The following ANKRD33B variants were observed in gnomAD, a reference collection of about 807,000 sequenced individuals.
ANKRD33B encodes the protein ankyrin repeat domain-containing protein 33B.
Under a neutral mutation model 21.5 loss-of-function variants are expected in ANKRD33B, and 6 were observed. The ratio of observed to expected loss-of-function variants is 0.28; its 90% CI spans 0.15 to 0.55. ANKRD33B has a LOEUF of 0.55. Among genes scored for constraint, ANKRD33B ranks in the 20% least tolerant of loss-of-function variants. ANKRD33B has a pLI of 0.94. For synonymous variants in ANKRD33B, 347 were observed against 342.4 expected, an observed-to-expected ratio of 1.01 and a Z score of -0.15; for missense variants, 698 against 747.2, an observed-to-expected ratio of 0.93 and a Z score of 0.77.
intron 1 of ANKRD33B, among the ~76,000 whole-genome samples, chr5:10,597,541 G>A (rs1000718336): frequency 6.6e-6 from 1 of 152,090 alleles, no homozygotes; most frequent in Non-Finnish European, 1.5e-5. Context: ...GATTCATGAG[G>A]CAAATTTGTA....
intron 2 of ANKRD33B, among the ~76,000 whole-genome samples, chr5:10,630,186 A>G (rs181056798): frequency 9.8e-5 from 15 of 152,320 alleles, no homozygotes; most frequent in African/African-American, 3.4e-4. Flanking sequence ...TTGCTTATGC[A>G]TCTGTGGATG....
intron 1 of ANKRD33B, among the ~76,000 whole-genome samples, chr5:10,616,218 G>C (rs143901881): frequency 1.2e-3 from 180 of 152,264 alleles, no homozygotes; most frequent in African/African-American, 3.9e-3. Flanking sequence ...GCCTTATTGA[G>C]ATAAGTGGGC....
At chr5:10,633,382 C>T (rs1389092982) in intron 2 of ANKRD33B, among the ~76,000 whole-genome samples, 3 of 152,142 alleles carry the variant, frequency 2.0e-5, no homozygotes, top group Non-Finnish European at 2.9e-5. Flanking sequence ...TACAGGCGTG[C>T]GCCACTGCGC....
At chr5:10,614,001 GT>G in intron 1 of ANKRD33B, among the ~76,000 whole-genome samples, 1 of 150,716 alleles carries the variant, frequency 6.6e-6, no homozygotes. Context: ...GTGTGTGTGT[GT>G]GTGTGTGTGT....
Position 10,598,263 on chromosome 5 carries a change from A to ATTTTGTT in ANKRD33B, c.367-20058_367-20052dup, listed in dbSNP as rs377505690. 6.5e-3 allele frequency among the ~76,000 whole-genome samples: 987 copies of ATTTTGTT among 151,702 alleles called. 8 individuals are homozygous for ATTTTGTT. The highest frequency in any genetic ancestry group is 0.023 in the African/African-American group (931 of 41,334). ...TTGTTGCGTTTTAACCATATTTTAT[A>ATTTTGTT]TTTTGTTTTTTGTTTTTTTTTGAGA... On this transcript the variant is annotated intron_variant, in intron 1 of 3. Coordinates refer to ENST00000296657, the MANE Select transcript of ANKRD33B (RefSeq NM_001164440.2).
At chr5:10,635,255 T>C (rs61190375) in intron 2 of ANKRD33B, among the ~76,000 whole-genome samples, 64,223 of 151,994 alleles carry the variant, frequency 0.42, 13,804 homozygotes, top group Middle Eastern at 0.55. Flanking sequence ...TTGCAATTCA[T>C]TTTACTATGC....
intron 2 of ANKRD33B, chr5:10,624,863 C>T (rs770115331): frequency 5.1e-5 from 23 of 454,064 alleles, no homozygotes; most frequent in Admixed American, 7.1e-5. Flanking sequence ...CAGGCCCTGC[C>T]CCTGGAGTCT....
chr5:10,613,942 C>T (rs937569217), intron 1 of ANKRD33B, among the ~76,000 whole-genome samples: 1 of 151,368 alleles, frequency 6.6e-6, no homozygotes, highest in African/African-American at 2.4e-5. Flanking sequence ...CAAAATGTTC[C>T]TTCCCCACCC....
chr5:10,567,532 G>A (rs545579046), intron 1 of ANKRD33B, among the ~76,000 whole-genome samples: 14 of 152,294 alleles, frequency 9.2e-5, no homozygotes, highest in African/African-American at 2.9e-4. Flanking sequence ...TCTCCCCGAC[G>A]GCAGTGTGGG....
chr5:10,564,575 C>T lies in ANKRD33B; in HGVS notation c.108C>T (p.Asp36=). ...CGCAGGTCGAGGAGGACCCCGCTGA[C>T]TACGAAGAGTTTGAGGACTTCTCGA... ...RGAQVEEDPA[D]YEEFEDFSSL... The change falls in exon 1 of 4, where the codon GAC becomes GAT. Residue 36 remains aspartate, a synonymous_variant. Transcript: ENST00000296657. 1 of 1,534,464 alleles carries T rather than the reference C, an allele frequency of 6.5e-7. No homozygotes were observed. The highest frequency in any genetic ancestry group is 1.4e-5 in the African/African-American group (1 of 73,070).
In ANKRD33B at chr5:10,571,096, A is replaced by G. The variant is rs544551359; in HGVS notation, c.366+6263A>G. On this transcript the variant is annotated intron_variant, in intron 1 of 3. Coordinates refer to ENST00000296657, the MANE Select transcript of ANKRD33B (RefSeq NM_001164440.2). ...ACTTCAAGCCTGTACTTACAGTGCTAATTTCCCCCATAGTCTGTGACTTTG... is the reference window on the plus strand; with the variant it reads ...ACTTCAAGCCTGTACTTACAGTGCTGATTTCCCCCATAGTCTGTGACTTTG... 1.3e-3 allele frequency among the ~76,000 whole-genome samples: 198 copies of G among 152,314 alleles called. 1 individual carries two copies. The highest frequency in any genetic ancestry group is 4.5e-3 in the African/African-American group (185 of 41,564).
intron 1 of ANKRD33B, among the ~76,000 whole-genome samples, chr5:10,567,190 G>A (rs1225711088): frequency 6.6e-6 from 1 of 152,188 alleles, no homozygotes; most frequent in Non-Finnish European, 1.5e-5. Flanking sequence ...CCAGTGGGGG[G>A]AGCGAGGCAG....
At chr5:10,590,808 A>G (rs1208117566) in intron 1 of ANKRD33B, among the ~76,000 whole-genome samples, 1 of 151,996 alleles carries the variant, frequency 6.6e-6, no homozygotes. Context: ...CTCAGCACCC[A>G]GCCTTACTCA....
At chr5:10,598,542 T>C (rs6872261) in intron 1 of ANKRD33B, among the ~76,000 whole-genome samples, 135,949 of 152,224 alleles carry the variant, frequency 0.89, 60,730 homozygotes, top group Middle Eastern at 0.96. Context: ...GCTGGGATTA[T>C]AGGCGTGAGT....
intron 3 of ANKRD33B, among the ~76,000 whole-genome samples, chr5:10,639,113 A>C (rs1375058638): frequency 7.7e-5 from 5 of 64,734 alleles, no homozygotes; most frequent in Admixed American, 1.5e-4. Context: ...GGTGACGCGG[A>C]GTTGCGCGGC....
At chr5:10,645,524 GCT>G (rs1405608433) in intron 3 of ANKRD33B, among the ~76,000 whole-genome samples, 1 of 152,192 alleles carries the variant, frequency 6.6e-6, no homozygotes, top group Non-Finnish European at 1.5e-5. Context: ...CTAGACAGTG[GCT>G]TAAAGAAAAC....
chr5:10,605,407 T>C (rs1482585423), intron 1 of ANKRD33B, among the ~76,000 whole-genome samples: 1 of 152,236 alleles, frequency 6.6e-6, no homozygotes, highest in Non-Finnish European at 1.5e-5. Context: ...GGGTATGGAA[T>C]GAATAAGAAA....
At chr5:10,614,405 C>T (rs1325184204) in intron 1 of ANKRD33B, among the ~76,000 whole-genome samples, 1 of 152,236 alleles carries the variant, frequency 6.6e-6, no homozygotes, top group African/African-American at 2.4e-5. Flanking sequence ...AACCATCACA[C>T]ACCTCCCATT....
chr5:10,569,245 T>C (rs1313879179), intron 1 of ANKRD33B, among the ~76,000 whole-genome samples: 1 of 152,196 alleles, frequency 6.6e-6, no homozygotes, highest in Non-Finnish European at 1.5e-5. Context: ...AAGTGAATTC[T>C]GGCCTCAGGC....
Sources: allele counts gnomAD v4.1 joint callset (sites outside exome capture counted in the v4.1 genomes callset), GRCh38; gene constraint gnomAD v4.1.1; transcripts MANE v1.5; gene names NCBI Gene and HGNC (gene_info 2026-07-23, HGNC 2026-07-21).